Variants in HDLBP observed in about 807,000 individuals in gnomAD.
HDLBP encodes vigilin.
Under a neutral mutation model 137.3 loss-of-function variants are expected in HDLBP, and 30 were observed. That is an observed-to-expected ratio of 0.22 (90% confidence interval 0.16 to 0.30). The LOEUF (loss-of-function observed/expected upper bound fraction) is 0.30, where lower values mean the gene tolerates loss of function less well. Among genes scored for constraint, HDLBP ranks in the 10% least tolerant of loss-of-function variants. The pLI is 1.00. For missense variants in HDLBP, 1,119 were observed against 1,667.3 expected, an observed-to-expected ratio of 0.67 and a Z score of 5.73; for synonymous variants, 606 against 596.0, an observed-to-expected ratio of 1.02 and a Z score of -0.24.
chr2:241,257,586 CA>C (rs1039920232), intron 5 of HDLBP, among the ~76,000 whole-genome samples: 54 of 152,274 alleles, frequency 3.5e-4, no homozygotes, highest in Admixed American at 1.2e-3. Flanking sequence ...AAGAAAATAG[CA>C]AGACACAAGC....
At chr2:241,256,567 G>C in intron 6 of HDLBP, 33 bp downstream of exon 6, 1 of 1,603,278 alleles carries the variant, frequency 6.2e-7, no homozygotes, top group East Asian at 2.2e-5. Context: ...CAAGCAGGTA[G>C]GCAGGGGCAC....
chr2:241,273,667 G>A, intron 1 of HDLBP: 2 of 985,202 alleles, frequency 2.0e-6, no homozygotes, highest in South Asian at 4.7e-5. Context: ...CCTGCATAGG[G>A]CACAGGATCA....
At chr2:241,304,408 G>A (rs2075500732) in intron 1 of HDLBP, among the ~76,000 whole-genome samples, 1 of 152,210 alleles carries the variant, frequency 6.6e-6, no homozygotes, top group African/African-American at 2.4e-5. Context: ...CTGGATCCTT[G>A]ACAGAATGAT....
At chr2:241,237,022 G>A (rs1048424294) in intron 20 of HDLBP, among the ~76,000 whole-genome samples, 7 of 150,790 alleles carry the variant, frequency 4.6e-5, no homozygotes, top group East Asian at 1.9e-4. Flanking sequence ...CCGGGAGGCC[G>A]TGAGCTCTGT....
Position 241,268,034 on chromosome 2 carries a change from C to T in HDLBP, c.-38+443G>A, listed in dbSNP as rs189564217. 1.3e-4 allele frequency: 118 copies of T among 879,302 alleles called. 1 individual carries two copies. The Admixed American group carries it at 7.0e-3, about 52-fold the overall frequency. The allele number at this position is 879,302 out of a possible 1,614,324, so 54.5% of individuals were successfully genotyped here. A position where few individuals can be genotyped will look rare whatever the true frequency, so the allele number is the denominator to read the frequency against. ...CCAGTTCCAGGTGAGCTCCAAACTA[C>T]TACAGTGAGGAAGAACCCATTTTCT... On this transcript the variant is annotated intron_variant, in intron 2 of 27. Coordinates refer to ENST00000310931, the MANE Select transcript of HDLBP (RefSeq NM_005336.6).
At chr2:241,246,165 C>A (rs2071656609) in intron 16 of HDLBP, among the ~76,000 whole-genome samples, 2 of 149,608 alleles carry the variant, frequency 1.3e-5, no homozygotes, top group African/African-American at 4.9e-5. Flanking sequence ...CAGATGGGCC[C>A]AATAAAGAGT....
In HDLBP at chr2:241,239,864, GC is replaced by G. The variant is rs757783229; in HGVS notation, c.2391+36del. On this transcript the variant is annotated intron_variant, in intron 18 of 27. Transcript: ENST00000310931. This position sits in a 1 kb window ranked among gnomAD's most constrained non-coding sequence, Gnocchi z 4.6. ...ATGGAAGATAAGCCACCCCATCACG[GC>G]CCCAGCAGAGTCGGCCGCCGAGGCC... is the stretch of plus-strand genomic sequence containing the variant. The G allele has an allele frequency of 1.2e-6, 2 of 1,611,778 alleles. No individual in the cohort carries two copies. Among genetic ancestry groups the G allele is most frequent in the Admixed American group, 3.3e-5 (2 of 59,954 alleles).
At chr2:241,283,926 T>A (rs923683657) in intron 1 of HDLBP, among the ~76,000 whole-genome samples, 8 of 152,168 alleles carry the variant, frequency 5.3e-5, no homozygotes, top group Non-Finnish European at 1.2e-4. Flanking sequence ...CTAAATATAC[T>A]CTGCCTGTGC....
intron 1 of HDLBP, among the ~76,000 whole-genome samples, chr2:241,282,228 G>T (rs1405978139): frequency 6.6e-6 from 1 of 152,130 alleles, no homozygotes; most frequent in East Asian, 1.9e-4. Context: ...ATACAAGCAG[G>T]CCTTTCATGG....
At chr2:241,241,285 G>A (rs1428781529) in intron 17 of HDLBP, among the ~76,000 whole-genome samples, 1 of 152,108 alleles carries the variant, frequency 6.6e-6, no homozygotes, top group Non-Finnish European at 1.5e-5. Context: ...ACAAAACAGT[G>A]GGCCGGGCGC....
At chr2:241,231,774 G>T (rs2149323688) in intron 24 of HDLBP, among the ~76,000 whole-genome samples, 1 of 152,228 alleles carries the variant, frequency 6.6e-6, no homozygotes, top group East Asian at 1.9e-4. Flanking sequence ...AGCAGACCAA[G>T]CAGACAGTTC....
At chr2:241,270,503 G>C (rs781769301) in intron 1 of HDLBP, among the ~76,000 whole-genome samples, 1 of 152,214 alleles carries the variant, frequency 6.6e-6, no homozygotes, top group East Asian at 1.9e-4. Context: ...TTCGAAGACT[G>C]CGTTTTAAGC....
rs1304599664 is a variant in HDLBP, at chr2:241,253,470, C to T, written c.1216G>A (p.Asp406Asn). The T allele has an allele frequency of 1.2e-6, 2 of 1,613,520 alleles. No homozygotes were observed. Among genetic ancestry groups the T allele is most frequent in the Non-Finnish European group, 1.7e-6 (2 of 1,179,428 alleles). The change falls in exon 10 of 28, where the codon GAC (aspartate) becomes AAC (asparagine). Residue 406 changes from aspartate (D) to asparagine (N), a missense_variant. By Grantham distance (23) the Asp-to-Asn change is conservative (BLOSUM62 1). This residue lies in a region of HDLBP where 425 missense variants were observed against 693.9 expected (regional missense o/e 0.61). Transcript: ENST00000310931. ...KVHIEFTEGEDKITLEGPTED... is the reference protein window; with the variant it reads ...KVHIEFTEGENKITLEGPTED... ...GTAGGGCCCTCCAGGGTGATCTTGT[C>T]TTCGCCCTCTGTGAACTCGATGTGA...
chr2:241,303,429 T>C (rs940657721), intron 1 of HDLBP, among the ~76,000 whole-genome samples: 9 of 152,148 alleles, frequency 5.9e-5, no homozygotes, highest in Non-Finnish European at 1.2e-4. Context: ...GGTGACATAT[T>C]ACAGAAAACA....
At position 241,272,296 on chromosome 2, in the gene HDLBP, T is replaced by C. The variant is rs1278652815; in HGVS notation, c.-102-3755A>G. ...GCTGGCCTCCCAGGGACCCCCACCC[T>C]GGCCGCACACGGCGCCCCCGCCGGA... On this transcript the variant is annotated intron_variant, in intron 1 of 27. Coordinates refer to ENST00000310931, the MANE Select transcript of HDLBP (RefSeq NM_005336.6). This position sits in a 1 kb window ranked among gnomAD's most constrained non-coding sequence, Gnocchi z 5.6. The C allele has an allele frequency of 2.0e-6, 2 of 979,308 alleles. No homozygotes were observed. Among genetic ancestry groups the C allele is most frequent in the Non-Finnish European group, 2.4e-6 (2 of 826,246 alleles). 60.7% of individuals were successfully genotyped at this position (979,308 alleles called of 1,614,324 possible).
chr2:241,272,862 A>G lies in HDLBP; in HGVS notation c.-102-4321T>C. 3.2e-6 allele frequency: 1 copy of G among 315,786 alleles called. No individual in the cohort carries two copies. Among genetic ancestry groups the G allele is most frequent in the African/African-American group, 2.3e-5 (1 of 44,156 alleles). 19.6% of individuals were successfully genotyped at this position (315,786 alleles called of 1,614,324 possible). A position where few individuals can be genotyped will look rare whatever the true frequency, so the allele number is the denominator to read the frequency against. ...GCGGCGCCCGGGCCCCGGCTGCTAT[A>G]TAGGGCGGCGGCCCAATCCCGCCTG... is the stretch of plus-strand genomic sequence containing the variant. On this transcript the variant is annotated intron_variant, in intron 1 of 27. Transcript: ENST00000310931. The surrounding 1 kb of genome is among the most constrained non-coding windows in gnomAD (Gnocchi z 5.6).
At chr2:241,232,770 C>T (rs1190121997) in intron 24 of HDLBP, among the ~76,000 whole-genome samples, 5 of 151,954 alleles carry the variant, frequency 3.3e-5, no homozygotes, top group Admixed American at 6.6e-5. Flanking sequence ...GCCGAGATCG[C>T]GCCACTGCAC....
chr2:241,306,098 G>A (rs1215602844), intron 1 of HDLBP, among the ~76,000 whole-genome samples: 2 of 151,882 alleles, frequency 1.3e-5, no homozygotes, highest in East Asian at 3.9e-4. Context: ...TATCATTCAT[G>A]GATTCTTAAA....
At chr2:241,246,942 A>G in intron 15 of HDLBP, 59 bp from the exon 16 acceptor site, 10 of 1,598,004 alleles carry the variant, frequency 6.3e-6, no homozygotes, top group African/African-American at 1.3e-5. Flanking sequence ...GTTGAGACAC[A>G]GTTGAGCACA....
Sources: allele counts gnomAD v4.1 joint callset (sites outside exome capture counted in the v4.1 genomes callset), GRCh38; gene constraint gnomAD v4.1.1; regional missense constraint gnomAD v4.1.1; non-coding constraint Gnocchi (gnomAD v3.1); transcripts MANE v1.5; gene names NCBI Gene and HGNC (gene_info 2026-07-23, HGNC 2026-07-21).